Variants in ADAMTSL1 observed in about 807,000 individuals in gnomAD.
ADAMTSL1 encodes the protein ADAMTS-like protein 1.
A neutral mutation model predicts 201.8 loss-of-function variants in ADAMTSL1; 126 were observed. That is an observed-to-expected ratio of 0.62 (90% CI 0.54 to 0.72). The LOEUF is 0.72. ADAMTSL1 is among the 30% of genes least tolerant of loss of function. The probability of loss-of-function intolerance (pLI) is 0.00; values close to 1 mark genes in which losing one functional copy is unlikely to be tolerated. For synonymous variants in ADAMTSL1, 1,121 were observed against 903.4 expected, an observed-to-expected ratio of 1.24 and a Z score of -4.32; for missense variants, 2,679 against 2,277.8, an observed-to-expected ratio of 1.18 and a Z score of -3.59.
intron 1 of ADAMTSL1, among the ~76,000 whole-genome samples, chr9:18,072,586 A>G (rs1823017939): frequency 2.0e-5 from 3 of 152,222 alleles, no homozygotes; most frequent in South Asian, 2.1e-4. Context: ...GTTATTTTCT[A>G]TCTCACAAAT....
intron 21 of ADAMTSL1, among the ~76,000 whole-genome samples, chr9:18,824,977 T>C (rs1232169056): frequency 6.6e-6 from 1 of 152,150 alleles, no homozygotes; most frequent in East Asian, 1.9e-4. Context: ...ATTACAGGCA[T>C]GAGCCATCAC....
intron 2 of ADAMTSL1, among the ~76,000 whole-genome samples, chr9:18,197,167 C>T (rs1399178588): frequency 6.6e-6 from 1 of 152,046 alleles, no homozygotes; most frequent in South Asian, 2.1e-4. Flanking sequence ...GAAGAAAATG[C>T]CTTTAAAAGT....
At chr9:18,131,717 T>G (rs1564017590) in intron 1 of ADAMTSL1, among the ~76,000 whole-genome samples, 3 of 152,148 alleles carry the variant, frequency 2.0e-5, no homozygotes, top group Admixed American at 6.6e-5. Flanking sequence ...TTGCTGGGAC[T>G]GTGTACCCTT....
Position 18,193,791 on chromosome 9 carries a change from G to GT in ADAMTSL1, c.207+29816dup, listed in dbSNP as rs535724301. Among the ~76,000 whole-genome samples the GT allele has an allele frequency of 9.2e-3, 1,394 of 152,020 alleles. 24 individuals are homozygous for GT. Among genetic ancestry groups the GT allele is most frequent in the South Asian group, 0.055 (263 of 4,810 alleles). On this transcript the variant is annotated intron_variant, in intron 2 of 29. Coordinates refer to the ADAMTSL1 transcript ENST00000680146. ...GATCTCTCTATGCCATAAACCTAGG[G>GT]TTTTTTGGGGCAAAGACTGACTGCC...
At chr9:18,599,676 T>G (rs1015696603) in intron 4 of ADAMTSL1, among the ~76,000 whole-genome samples, 6 of 151,296 alleles carry the variant, frequency 4.0e-5, no homozygotes, top group Non-Finnish European at 7.4e-5. Flanking sequence ...AGTTGCAAAC[T>G]AGCAATGCTC....
intron 3 of ADAMTSL1, among the ~76,000 whole-genome samples, chr9:18,535,839 G>A: frequency 6.6e-6 from 1 of 152,144 alleles, no homozygotes. Context: ...CATGAGAATA[G>A]CATGGGGAAA....
At chr9:18,334,367 A>C (rs1835146245) in intron 2 of ADAMTSL1, among the ~76,000 whole-genome samples, 1 of 152,176 alleles carries the variant, frequency 6.6e-6, no homozygotes, top group African/African-American at 2.4e-5. Flanking sequence ...GTGCATATAC[A>C]CGTGTGCACA....
At chr9:18,566,532 C>T (rs1037138938) in intron 3 of ADAMTSL1, among the ~76,000 whole-genome samples, 11 of 152,124 alleles carry the variant, frequency 7.2e-5, no homozygotes, top group African/African-American at 2.7e-4. Flanking sequence ...GAGTAGGCAG[C>T]CTAAGCTTTG....
intron 1 of ADAMTSL1, among the ~76,000 whole-genome samples, chr9:18,023,386 C>A (rs1322956026): frequency 6.6e-6 from 1 of 152,078 alleles, no homozygotes; most frequent in Non-Finnish European, 1.5e-5. Flanking sequence ...GACAGTGTTT[C>A]TGTGGCAATT....
At chr9:18,528,719 T>A (rs1425356671) in intron 2 of ADAMTSL1, among the ~76,000 whole-genome samples, 1 of 152,206 alleles carries the variant, frequency 6.6e-6, no homozygotes, top group Non-Finnish European at 1.5e-5. Context: ...ACTTATATTT[T>A]GTTCTTTCAT....
chr9:18,882,573 C>T (rs1172290494), intron 23 of ADAMTSL1, among the ~76,000 whole-genome samples: 1 of 152,108 alleles, frequency 6.6e-6, no homozygotes, highest in Non-Finnish European at 1.5e-5. Flanking sequence ...ACTTCTCTCC[C>T]CAAGGCCATT....
intron 1 of ADAMTSL1, among the ~76,000 whole-genome samples, chr9:18,503,421 G>GTGTGTATATATATATA (rs376466829): frequency 6.1e-5 from 7 of 115,284 alleles, no homozygotes; most frequent in East Asian, 5.8e-4. Context: ...ATTCCATTGT[G>GTGTGTATATATATATA]TATATATATA....
intron 2 of ADAMTSL1, among the ~76,000 whole-genome samples, chr9:18,287,655 A>AAATGTAT (rs200724200): frequency 7.0e-6 from 1 of 142,644 alleles, no homozygotes; most frequent in South Asian, 2.3e-4. Context: ...GTATACATAT[A>AAATGTAT]CACATATATG....
chr9:18,577,369 G>A (rs577274659), intron 4 of ADAMTSL1, among the ~76,000 whole-genome samples: 3 of 152,038 alleles, frequency 2.0e-5, no homozygotes, highest in African/African-American at 4.8e-5. Flanking sequence ...GCTCGTATTC[G>A]CAGCTATTTG....
At chr9:18,487,135 T>C (rs1049968308) in intron 1 of ADAMTSL1, among the ~76,000 whole-genome samples, 1 of 152,248 alleles carries the variant, frequency 6.6e-6, no homozygotes, top group Admixed American at 6.5e-5. Flanking sequence ...ATTTATCATT[T>C]TATACTAAAA....
chr9:18,651,615 G>T (rs1292730555), intron 7 of ADAMTSL1, among the ~76,000 whole-genome samples: 1 of 152,158 alleles, frequency 6.6e-6, no homozygotes, highest in African/African-American at 2.4e-5. Flanking sequence ...TTTTTAAAAG[G>T]TATTGCATAT....
chr9:18,616,399 T>C (rs1009254962), intron 4 of ADAMTSL1, among the ~76,000 whole-genome samples: 2 of 152,352 alleles, frequency 1.3e-5, no homozygotes, highest in Non-Finnish European at 2.9e-5. Flanking sequence ...TCTTTGAAAC[T>C]GCTTGTATGT....
At chr9:17,969,452 A>G (rs1305117546) in intron 1 of ADAMTSL1, among the ~76,000 whole-genome samples, 4 of 152,068 alleles carry the variant, frequency 2.6e-5, no homozygotes, top group Admixed American at 1.3e-4. Context: ...TCATTTAGCC[A>G]TATTCTAATA....
At chr9:18,594,969 T>A (rs1300146806) in intron 4 of ADAMTSL1, among the ~76,000 whole-genome samples, 1 of 152,200 alleles carries the variant, frequency 6.6e-6, no homozygotes, top group Non-Finnish European at 1.5e-5. Flanking sequence ...CTTCCAGGGA[T>A]TCTAAGCTGA....
Sources: gnomAD v4.1 joint callset for allele counts (sites outside exome capture counted in the v4.1 genomes callset) on GRCh38, gnomAD v4.1.1 for gene constraint, MANE v1.5 for transcripts, NCBI Gene and HGNC (gene_info 2026-07-23, HGNC 2026-07-21) for gene names.